LUZP2: variants seen among roughly 807,000 people sequenced by gnomAD.
The protein encoded by LUZP2 is leucine zipper protein 2.
Under a neutral mutation model 51.6 loss-of-function variants are expected in LUZP2, and 52 were observed. That is an observed-to-expected ratio of 1.01 (90% CI 0.81 to 1.27). The LOEUF (loss-of-function observed/expected upper bound fraction) is 1.27, where lower values mean the gene tolerates loss of function less well. Ranked by LOEUF, LUZP2 falls within the 50% of genes most tolerant of loss-of-function variation. The pLI is 0.00. For synonymous variants in LUZP2, 154 were observed against 137.3 expected (o/e 1.12, Z -0.85); for missense variants, 436 against 395.4 (o/e 1.10, Z -0.87).
At chr11:25,003,807 C>T (rs1020685618) in intron 9 of LUZP2, among the ~76,000 whole-genome samples, 3 of 152,094 alleles carry the variant, frequency 2.0e-5, no homozygotes, top group Non-Finnish European at 4.4e-5. Flanking sequence ...TAACTTGTTC[C>T]CCATATTCAT....
chr11:24,842,164 A>T (rs920771210), intron 5 of LUZP2, among the ~76,000 whole-genome samples: 2 of 150,346 alleles, frequency 1.3e-5, no homozygotes, highest in Non-Finnish European at 1.5e-5. Flanking sequence ...TAAGACAAAA[A>T]TTATTAACAC....
chr11:24,609,125 G>T (rs755197462), intron 1 of LUZP2, among the ~76,000 whole-genome samples: 1 of 152,082 alleles, frequency 6.6e-6, no homozygotes, highest in Non-Finnish European at 1.5e-5. Flanking sequence ...AGGCTTAGTA[G>T]ACTACCGAGG....
chr11:24,750,724 T>A (rs1394451986), intron 4 of LUZP2, among the ~76,000 whole-genome samples: 2 of 152,124 alleles, frequency 1.3e-5, no homozygotes, highest in African/African-American at 4.8e-5. Flanking sequence ...TCTACTTAAG[T>A]CTTCCATGCC....
At chr11:24,715,510 T>G (rs1858009238) in intron 1 of LUZP2, among the ~76,000 whole-genome samples, 1 of 152,154 alleles carries the variant, frequency 6.6e-6, no homozygotes, top group Admixed American at 6.6e-5. Flanking sequence ...GCTTGCTGAT[T>G]TATAATTTGC....
In LUZP2 at chr11:25,006,577, C is replaced by G. The variant is rs192771480; in HGVS notation, c.765+23284C>G. Among the ~76,000 whole-genome samples, 237 of 152,294 alleles carry G rather than the reference C, an allele frequency of 1.6e-3. 3 individuals carry two copies. The highest frequency in any genetic ancestry group is 1.1e-3 in the Admixed American group (17 of 15,302). On this transcript the variant is annotated intron_variant, in intron 9 of 11. Coordinates refer to ENST00000336930, the MANE Select transcript of LUZP2 (RefSeq NM_001009909.4). Reference sequence around the variant, plus strand: ...CCGTGTCTTTAGTCCAGCGGCCACACTAGTCGCTTTTAACTGGCCAACATG... The same window carrying G: ...CCGTGTCTTTAGTCCAGCGGCCACAGTAGTCGCTTTTAACTGGCCAACATG...
intron 5 of LUZP2, among the ~76,000 whole-genome samples, chr11:24,778,664 A>G (rs529221413): frequency 2.2e-4 from 33 of 152,242 alleles, no homozygotes; most frequent in Admixed American, 1.6e-3. Context: ...ATGAAGGAAC[A>G]TAAAAAGGAA....
chr11:24,841,512 G>A (rs1851033317), intron 5 of LUZP2, among the ~76,000 whole-genome samples: 1 of 152,056 alleles, frequency 6.6e-6, no homozygotes, highest in Admixed American at 6.6e-5. Flanking sequence ...GTAGCAGGTA[G>A]AATTCTACTT....
chr11:24,937,176 T>A (rs1447103546), intron 7 of LUZP2, among the ~76,000 whole-genome samples: 1 of 152,206 alleles, frequency 6.6e-6, no homozygotes, highest in Non-Finnish European at 1.5e-5. Context: ...CAACTTTGAT[T>A]AACTGACATA....
intron 7 of LUZP2, among the ~76,000 whole-genome samples, chr11:24,971,040 C>T (rs1590789560): frequency 6.6e-6 from 1 of 152,230 alleles, no homozygotes; most frequent in East Asian, 1.9e-4. Flanking sequence ...CACATTAATA[C>T]AGGAACAGAA....
chr11:24,931,267 A>C (rs1449590163), intron 7 of LUZP2, among the ~76,000 whole-genome samples: 1 of 120,916 alleles, frequency 8.3e-6, no homozygotes, highest in Admixed American at 8.7e-5. Flanking sequence ...AATAAAATAA[A>C]ATAAAAAGTT....
At chr11:24,627,428 G>T (rs1319482205) in intron 1 of LUZP2, among the ~76,000 whole-genome samples, 1 of 152,144 alleles carries the variant, frequency 6.6e-6, no homozygotes, top group African/African-American at 2.4e-5. Flanking sequence ...GTACTAGCTT[G>T]TCTCCCCGGA....
intron 1 of LUZP2, among the ~76,000 whole-genome samples, chr11:24,704,995 A>G (rs1857532217): frequency 6.6e-6 from 1 of 152,206 alleles, no homozygotes; most frequent in Non-Finnish European, 1.5e-5. Context: ...AAATATGAAC[A>G]CACACACATA....
chr11:24,783,390 G>T (rs1246827309), intron 5 of LUZP2, among the ~76,000 whole-genome samples: 1 of 151,118 alleles, frequency 6.6e-6, no homozygotes, highest in Non-Finnish European at 1.5e-5. Flanking sequence ...TTATAAATTT[G>T]CTCACAACTC....
At chr11:24,985,232 A>C (rs902122017) in intron 9 of LUZP2, among the ~76,000 whole-genome samples, 4 of 151,564 alleles carry the variant, frequency 2.6e-5, no homozygotes, top group Non-Finnish European at 5.9e-5. Context: ...TTGCAGCCTA[A>C]TTTTCTGCAA....
chr11:25,017,394 T>C (rs1857191058), intron 9 of LUZP2, among the ~76,000 whole-genome samples: 1 of 152,156 alleles, frequency 6.6e-6, no homozygotes, highest in African/African-American at 2.4e-5. Flanking sequence ...GTTTTTATGG[T>C]TTTAAGTTTA....
chr11:24,545,047 A>G (rs765160634), intron 1 of LUZP2, among the ~76,000 whole-genome samples: 1 of 151,982 alleles, frequency 6.6e-6, no homozygotes, highest in Non-Finnish European at 1.5e-5. Flanking sequence ...AGTGATGTTG[A>G]ACTTTTTAAT....
intron 5 of LUZP2, among the ~76,000 whole-genome samples, chr11:24,798,041 T>A (rs1016783329): frequency 1.3e-5 from 2 of 152,170 alleles, no homozygotes; most frequent in African/African-American, 4.8e-5. Flanking sequence ...TTGGTTTTAG[T>A]TTTCTTTTGT....
At chr11:24,967,275 A>T (rs558498330) in intron 7 of LUZP2, among the ~76,000 whole-genome samples, 142 of 152,046 alleles carry the variant, frequency 9.3e-4, no homozygotes, top group African/African-American at 3.3e-3. Context: ...ACATTCATTA[A>T]TTTAGGGAGA....
intron 5 of LUZP2, among the ~76,000 whole-genome samples, chr11:24,774,247 C>A (rs144938827): frequency 1.3e-5 from 2 of 149,092 alleles, no homozygotes; most frequent in South Asian, 4.2e-4. Context: ...CTCTGGAACT[C>A]GGACTCTTTG....
Sources: gnomAD v4.1 joint callset for allele counts (sites outside exome capture counted in the v4.1 genomes callset) on GRCh38, gnomAD v4.1.1 for gene constraint, MANE v1.5 for transcripts, NCBI Gene and HGNC (gene_info 2026-07-23, HGNC 2026-07-21) for gene names.